The following NTRK3 variants were observed in gnomAD, a reference collection of about 807,000 sequenced individuals.
The protein encoded by NTRK3 is NT-3 growth factor receptor.
NTRK3 carries 24 observed loss-of-function variants against 91.7 expected under a neutral mutation model. That is an observed-to-expected ratio of 0.26 (90% CI 0.19 to 0.37). The LOEUF (loss-of-function observed/expected upper bound fraction) is 0.37. Ranked by LOEUF, NTRK3 falls within the 10% of genes least tolerant of loss-of-function variation. The pLI, the probability that NTRK3 is intolerant of heterozygous loss-of-function variation, is 1.00. For synonymous variants in NTRK3, 483 were observed against 404.0 expected (o/e 1.20, Z -2.34); for missense variants, 880 against 1,068.9 (o/e 0.82, Z 2.46).
At position 88,093,033 on chromosome 15, in the gene NTRK3, GT is replaced by G. The variant is rs545742984; in HGVS notation, c.1396+33237del. On this transcript the variant is annotated intron_variant, in intron 13 of 18. Coordinates refer to ENST00000394480, the Ensembl canonical transcript of NTRK3. Reference sequence around the variant, plus strand: ...ATTAGGACCTGATTTTTTGTTTCTGGTTTTTTTTTTTTTGGCTTTGGGGTTT... The same window carrying G: ...ATTAGGACCTGATTTTTTGTTTCTGGTTTTTTTTTTTTGGCTTTGGGGTTT... Among the ~76,000 whole-genome samples the G allele has an allele frequency of 9.8e-3, 1,180 of 119,854 alleles. 7 individuals are homozygous for G. The highest frequency in any genetic ancestry group is 0.025 in the South Asian group (89 of 3,624). 78.6% of individuals were successfully genotyped at this position (119,854 alleles called of 152,430 possible). A position where few individuals can be genotyped will look rare whatever the true frequency, so the allele number is the denominator to read the frequency against.
intron 14 of NTRK3, among the ~76,000 whole-genome samples, chr15:87,960,860 G>A (rs1300473327): frequency 6.6e-6 from 1 of 152,076 alleles, no homozygotes; most frequent in African/African-American, 2.4e-5. Context: ...TTCATCACCA[G>A]ACTCTGATGG....
intron 17 of NTRK3, among the ~76,000 whole-genome samples, chr15:87,918,616 A>G (rs1432875635): frequency 6.6e-6 from 1 of 152,100 alleles, no homozygotes; most frequent in Non-Finnish European, 1.5e-5. Context: ...CTTTTATACA[A>G]TTTGCCTCCC....
intron 14 of NTRK3, among the ~76,000 whole-genome samples, chr15:87,947,199 A>G (rs921288069): frequency 2.6e-5 from 4 of 151,878 alleles, no homozygotes; most frequent in Non-Finnish European, 5.9e-5. Flanking sequence ...CTTAAACACA[A>G]TATGTTGCTG....
rs200157273 is a variant in NTRK3, at chr15:88,126,411, C to A, written c.1294-38G>T. 6.9e-5 allele frequency: 97 copies of A among 1,408,276 alleles called. No individual in the cohort carries two copies. The African/African-American group carries it at 1.1e-3, about 17-fold the overall frequency. The allele number at this position is 1,408,276 out of a possible 1,614,324, so 87.2% of individuals were successfully genotyped here. ...AGAAACAGAGAGTCAGCAACAATCACAGAAAACCCAATTTCCTTGAAAATA... is the reference window on the plus strand; with the variant it reads ...AGAAACAGAGAGTCAGCAACAATCAAAGAAAACCCAATTTCCTTGAAAATA... On this transcript the variant is annotated intron_variant, in intron 12 of 18. Coordinates refer to ENST00000394480, the Ensembl canonical transcript of NTRK3.
intron 5 of NTRK3, among the ~76,000 whole-genome samples, chr15:88,177,179 T>C (rs2046078832): frequency 6.6e-6 from 1 of 152,174 alleles, no homozygotes; most frequent in Non-Finnish European, 1.5e-5. Context: ...ACTATATCCA[T>C]GTGAGTCCTG....
intron 15 of NTRK3, among the ~76,000 whole-genome samples, chr15:87,933,807 G>T (rs753741924): frequency 6.6e-6 from 1 of 152,172 alleles, no homozygotes; most frequent in African/African-American, 2.4e-5. Context: ...AGAGTGGGGC[G>T]GCAGCTACGG....
At chr15:88,144,156 C>T (rs183184106) in intron 6 of NTRK3, 1 of 151,608 alleles carries the variant, frequency 6.6e-6, no homozygotes. Flanking sequence ...ATCTTCTCTG[C>T]AAGGAAAAAA....
intron 14 of NTRK3, among the ~76,000 whole-genome samples, chr15:87,965,091 T>G (rs2072666203): frequency 6.6e-6 from 1 of 152,214 alleles, no homozygotes; most frequent in Admixed American, 6.5e-5. Flanking sequence ...CAAAGTAATG[T>G]GTATGTGCAT....
chr15:87,967,020 A>C (rs764521020), intron 14 of NTRK3, among the ~76,000 whole-genome samples: 9 of 152,244 alleles, frequency 5.9e-5, no homozygotes, highest in Admixed American at 1.3e-4. Flanking sequence ...ATCACCCCCA[A>C]TTGAAAACCA....
At chr15:88,071,017 A>AT (rs966680347) in intron 13 of NTRK3, among the ~76,000 whole-genome samples, 1 of 152,158 alleles carries the variant, frequency 6.6e-6, no homozygotes, top group African/African-American at 2.4e-5. Context: ...GCCTGGAATG[A>AT]TTTTTTTCTC....
intron 14 of NTRK3, among the ~76,000 whole-genome samples, chr15:87,957,142 G>T (rs1210606452): frequency 1.3e-5 from 2 of 151,742 alleles, no homozygotes; most frequent in South Asian, 2.1e-4. Context: ...TAACATTTCT[G>T]GTCCTCAGTT....
intron 3 of NTRK3, among the ~76,000 whole-genome samples, chr15:88,198,601 T>C (rs560454011): frequency 2.0e-5 from 3 of 152,384 alleles, no homozygotes; most frequent in East Asian, 3.9e-4. Flanking sequence ...ATTATCTGCC[T>C]GGCTTCCCTT....
exon 19 of NTRK3, chr15:87,872,716 G>A (rs558506346): frequency 2.6e-5 from 6 of 232,744 alleles, no homozygotes; most frequent in South Asian, 1.8e-4. Context: ...CAGTCACCAG[G>A]CCTTCTTTCA....
At chr15:88,127,077 A>C in intron 12 of NTRK3, 85 bp downstream of exon 12, 1 of 1,201,100 alleles carries the variant, frequency 8.3e-7, no homozygotes, top group Non-Finnish European at 1.2e-6. Flanking sequence ...AAGTAAGATA[A>C]TATTTGGAAA....
chr15:88,178,030 C>A (rs775662895), intron 5 of NTRK3, among the ~76,000 whole-genome samples: 1 of 152,160 alleles, frequency 6.6e-6, no homozygotes, highest in Non-Finnish European at 1.5e-5. Context: ...ATCTTCAAAG[C>A]CCATGCTCCT....
intron 3 of NTRK3, among the ~76,000 whole-genome samples, chr15:88,246,583 G>A (rs2141958793): frequency 6.6e-6 from 1 of 152,288 alleles, no homozygotes; most frequent in South Asian, 2.1e-4. Flanking sequence ...AAGCCTGTGG[G>A]TCTTCCTGGG....
chr15:88,248,840 T>C (rs1397039307), intron 3 of NTRK3, among the ~76,000 whole-genome samples: 2 of 152,214 alleles, frequency 1.3e-5, no homozygotes, highest in African/African-American at 4.8e-5. Context: ...ATGTACTCAG[T>C]AGATGCTAGC....
chr15:88,208,179 C>T (rs919901601), intron 3 of NTRK3, among the ~76,000 whole-genome samples: 2 of 152,056 alleles, frequency 1.3e-5, no homozygotes, highest in Non-Finnish European at 2.9e-5. Flanking sequence ...CCAAGGCCTC[C>T]CAAACACTGG....
At chr15:87,975,345 C>G (rs1459426003) in intron 14 of NTRK3, among the ~76,000 whole-genome samples, 1 of 152,158 alleles carries the variant, frequency 6.6e-6, no homozygotes, top group East Asian at 1.9e-4. Flanking sequence ...TCAACCAAGT[C>G]TCTAGAATGA....
Sources: allele counts gnomAD v4.1 joint callset (sites outside exome capture counted in the v4.1 genomes callset), GRCh38; gene constraint gnomAD v4.1.1; transcripts MANE v1.5; gene names NCBI Gene and HGNC (gene_info 2026-07-23, HGNC 2026-07-21).